The following ZFHX3 variants were observed in gnomAD, a reference collection of about 807,000 sequenced individuals.
ZFHX3 encodes the protein zinc finger homeobox protein 3.
A neutral mutation model predicts 279.1 loss-of-function variants in ZFHX3; 42 were observed. That is an observed-to-expected ratio of 0.15 (90% CI 0.12 to 0.19). ZFHX3 has a LOEUF of 0.19. Among genes scored for constraint, ZFHX3 ranks in the 10% least tolerant of loss-of-function variants. ZFHX3 has a pLI of 1.00. For synonymous variants in ZFHX3, 2,293 were observed against 1,957.8 expected (o/e 1.17, Z -4.52); for missense variants, 4,981 against 4,754.0 (o/e 1.05, Z -1.40).
rs1354924035 is a variant in ZFHX3, at chr16:72,793,622, C to T, written c.9060G>A (p.Glu3020=). 1.9e-6 allele frequency: 3 copies of T among 1,614,084 alleles called. No individual in the cohort carries two copies. The East Asian group carries it at 6.7e-5, about 36-fold the overall frequency. The change falls in exon 9 of 10, where the codon GAG becomes GAA. Residue 3020 remains glutamate (E), a synonymous_variant. Transcript: ENST00000268489. The surrounding 1 kb of genome is among the most constrained non-coding windows in gnomAD (Gnocchi z 4.3). ...ACAAAGTGCACTCTGTTTTGGGTCC[C>T]TCATAACTCGTTTGGTTTATACCAA... ...KHFGINQTSY[E]GPKTECTLCG...
Position 73,658,427 on chromosome 16 carries a change from C to G in ZFHX3, c.-1547+21753G>C, listed in dbSNP as rs555590509. 2.7e-4 allele frequency among the ~76,000 whole-genome samples: 41 copies of G among 152,208 alleles called. 1 individual carries two copies. The South Asian group carries it at 7.7e-3, about 29-fold the overall frequency. On this transcript the variant is annotated intron_variant, in intron 2 of 17. Transcript: ENST00000641206. Reference sequence around the variant, plus strand: ...TTCAAGCAATTCTGCCTCAGCCTCCCGAGTAGCTGGGATTATAGGCATGCG... The same window carrying G: ...TTCAAGCAATTCTGCCTCAGCCTCCGGAGTAGCTGGGATTATAGGCATGCG...
Position 72,959,080 on chromosome 16 carries a change from T to C in ZFHX3, c.1066A>G (p.Asn356Asp). ...NFQHPLVSTANLIGPGHSFYG... is the reference protein window; with the variant it reads ...NFQHPLVSTADLIGPGHSFYG... ...AAACTGTGTCCGGGGCCTATGAGGT[T>C]AGCTGTGGAAACTAAAGGGTGTTGA... Residue 356 changes from asparagine (N) to aspartate (D), a missense_variant, in exon 2 of 10, where the codon AAC becomes GAC. This residue lies in a region of ZFHX3 where 1,068 missense variants were observed against 935.2 expected (regional missense o/e 1.14). Coordinates refer to ENST00000268489, the MANE Select transcript of ZFHX3 (RefSeq NM_006885.4). 1.2e-6 allele frequency: 2 copies of C among 1,614,230 alleles called. No individual in the cohort carries two copies. The highest frequency in any genetic ancestry group is 1.7e-6 in the Non-Finnish European group (2 of 1,180,042).
At chr16:73,045,640 CATTATTATT>C (rs10602067) in intron 1 of ZFHX3, among the ~76,000 whole-genome samples, 2,994 of 142,972 alleles carry the variant, frequency 0.021, 79 homozygotes, top group African/African-American at 0.062. Context: ...CATGGATTTA[CATTATTATT>C]ATTATTATTA....
chr16:72,782,894 T>A lies in ZFHX3; in HGVS notation c.*4270A>T, dbSNP rs2035182551. Reference sequence around the variant, plus strand: ...TAACAGAGACAGGAGCTTTTGCTCATATTTTTTTTTTAATGTATCACAATG... The same window carrying A: ...TAACAGAGACAGGAGCTTTTGCTCAAATTTTTTTTTTAATGTATCACAATG... On this transcript the variant is annotated 3_prime_UTR_variant, in exon 10 of 10. Coordinates refer to ENST00000268489, the MANE Select transcript of ZFHX3 (RefSeq NM_006885.4). 1 of 152,466 alleles carries A rather than the reference T, an allele frequency of 6.6e-6. No homozygotes were observed. The highest frequency in any genetic ancestry group is 2.1e-4 in the South Asian group (1 of 4,820). 9.4% of individuals were successfully genotyped at this position (152,466 alleles called of 1,614,324 possible).
chr16:73,248,643 GTA>G (rs1001928539), intron 5 of ZFHX3, among the ~76,000 whole-genome samples: 4 of 134,302 alleles, frequency 3.0e-5, no homozygotes, highest in African/African-American at 1.0e-4. Flanking sequence ...TGTGGAGAAT[GTA>G]TGTGTGTGTG....
chr16:72,957,877 G>A lies in ZFHX3; in HGVS notation c.2269C>T (p.Leu757=). Residue 757 remains leucine (L), a synonymous_variant, in exon 2 of 10, where the codon CTG becomes TTG. Transcript: ENST00000268489. ...SDKHLNNMQN[L]QNGGGEQVFS... ...ACCTGCTCCCCCCCTCCATTCTGCA[G>A]GTTCTGCATGTTGTTGAGATGCTTG... The A allele has an allele frequency of 6.2e-7, 1 of 1,614,120 alleles. No homozygotes were observed. The highest frequency in any genetic ancestry group is 1.3e-5 in the African/African-American group (1 of 75,056).
intron 3 of ZFHX3, among the ~76,000 whole-genome samples, chr16:73,445,059 C>A (rs533540425): frequency 6.6e-6 from 1 of 150,828 alleles, no homozygotes; most frequent in Non-Finnish European, 1.5e-5. Context: ...TGCTTGAACC[C>A]GGGAGGCGGA....
intron 6 of ZFHX3, among the ~76,000 whole-genome samples, chr16:73,139,104 G>A (rs917423338): frequency 4.6e-5 from 7 of 152,114 alleles, no homozygotes; most frequent in Non-Finnish European, 7.4e-5. Context: ...CTAATGAGAC[G>A]AGACAGATTC....
At chr16:72,900,833 TG>T (rs1454989010) in intron 3 of ZFHX3, among the ~76,000 whole-genome samples, 3 of 152,204 alleles carry the variant, frequency 2.0e-5, no homozygotes, top group Admixed American at 2.0e-4. Context: ...ACCGATGCTC[TG>T]GCCAGGACAG....
chr16:73,807,571 C>T (rs1156934119), intron 1 of ZFHX3, among the ~76,000 whole-genome samples: 1 of 151,242 alleles, frequency 6.6e-6, no homozygotes, highest in Non-Finnish European at 1.5e-5. Context: ...CCTCCTGCCA[C>T]AGCAGCCCCC....
At chr16:73,769,639 A>G (rs2053995506) in intron 1 of ZFHX3, among the ~76,000 whole-genome samples, 1 of 152,192 alleles carries the variant, frequency 6.6e-6, no homozygotes, top group African/African-American at 2.4e-5. Flanking sequence ...AAAATGTAAA[A>G]TGGGAATTTC....
chr16:73,026,317 G>A (rs1295867362), intron 1 of ZFHX3, among the ~76,000 whole-genome samples: 1 of 148,706 alleles, frequency 6.7e-6, no homozygotes, highest in Non-Finnish European at 1.5e-5. Flanking sequence ...AGGTTGCAGT[G>A]AGCCGAGATC....
chr16:73,036,419 G>T (rs922969987), intron 1 of ZFHX3, among the ~76,000 whole-genome samples: 23 of 152,136 alleles, frequency 1.5e-4, no homozygotes, highest in African/African-American at 5.6e-4. Flanking sequence ...GCCGCTTTGT[G>T]GGGGGAAAAG....
At chr16:73,786,606 G>T (rs1275521362) in intron 1 of ZFHX3, among the ~76,000 whole-genome samples, 1 of 152,066 alleles carries the variant, frequency 6.6e-6, no homozygotes, top group East Asian at 1.9e-4. Flanking sequence ...CCAAGTGGCA[G>T]GGGGGGCCAA....
At chr16:73,191,853 C>T (rs552463676) in intron 5 of ZFHX3, among the ~76,000 whole-genome samples, 1 of 152,308 alleles carries the variant, frequency 6.6e-6, no homozygotes, top group East Asian at 1.9e-4. Flanking sequence ...CTTGTAGCCG[C>T]GGTGGGGCCA....
intron 1 of ZFHX3, among the ~76,000 whole-genome samples, chr16:73,758,370 A>G (rs941884335): frequency 1.3e-5 from 2 of 152,206 alleles, no homozygotes; most frequent in African/African-American, 4.8e-5. Context: ...CTCAGAGATA[A>G]CAGTTTTCTA....
At chr16:72,926,602 C>T (rs1053148791) in intron 3 of ZFHX3, among the ~76,000 whole-genome samples, 1 of 152,150 alleles carries the variant, frequency 6.6e-6, no homozygotes, top group Non-Finnish European at 1.5e-5. Flanking sequence ...GGGCATTATT[C>T]GCACATGAAA....
At chr16:73,377,092 C>G (rs764398036) in intron 3 of ZFHX3, among the ~76,000 whole-genome samples, 6 of 151,976 alleles carry the variant, frequency 3.9e-5, no homozygotes, top group Non-Finnish European at 8.8e-5. Context: ...CTGCCTCAGC[C>G]TCCCCAGTAG....
At chr16:73,162,415 G>A (rs1967261350) in intron 5 of ZFHX3, among the ~76,000 whole-genome samples, 1 of 152,136 alleles carries the variant, frequency 6.6e-6, no homozygotes, top group Non-Finnish European at 1.5e-5. Flanking sequence ...CAAGTTCAGA[G>A]CTCCCACTGA....
Sources: gnomAD v4.1 joint callset for allele counts (sites outside exome capture counted in the v4.1 genomes callset) on GRCh38, gnomAD v4.1.1 for gene constraint, gnomAD v4.1.1 regional missense constraint, Gnocchi (gnomAD v3.1) non-coding constraint, MANE v1.5 for transcripts, NCBI Gene and HGNC (gene_info 2026-07-23, HGNC 2026-07-21) for gene names.